The following ADAMTSL3 variants were observed in gnomAD, a reference collection of about 807,000 sequenced individuals.
The protein encoded by ADAMTSL3 is ADAMTS-like protein 3.
A neutral mutation model predicts 201.7 loss-of-function variants in ADAMTSL3; 128 were observed. The observed-to-expected ratio is 0.63, with a 90% confidence interval of 0.55 to 0.73. The LOEUF (loss-of-function observed/expected upper bound fraction) is 0.73. Ranked by LOEUF, ADAMTSL3 falls within the 30% of genes least tolerant of loss-of-function variation. ADAMTSL3 has a pLI of 0.00. For synonymous variants in ADAMTSL3, 738 were observed against 748.4 expected (o/e 0.99, Z 0.23); for missense variants, 1,990 against 2,119.6 (o/e 0.94, Z 1.20).
chr15:83,791,753 G>A (rs762061851), intron 4 of ADAMTSL3, among the ~76,000 whole-genome samples: 7 of 151,718 alleles, frequency 4.6e-5, no homozygotes, highest in Non-Finnish European at 7.4e-5. Flanking sequence ...CCAGCTACTC[G>A]GGAGGCTGAG....
intron 3 of ADAMTSL3, among the ~76,000 whole-genome samples, chr15:83,721,083 T>C (rs2062094313): frequency 6.6e-6 from 1 of 152,240 alleles, no homozygotes; most frequent in African/African-American, 2.4e-5. Context: ...AAATCTTTTT[T>C]CTGTCCAGCT....
At chr15:83,670,915 C>T (rs2061322043) in intron 2 of ADAMTSL3, among the ~76,000 whole-genome samples, 1 of 152,192 alleles carries the variant, frequency 6.6e-6, no homozygotes, top group Non-Finnish European at 1.5e-5. Flanking sequence ...TAGCGTTCTT[C>T]AGAGCTATCT....
intron 2 of ADAMTSL3, among the ~76,000 whole-genome samples, chr15:83,695,148 G>GTTA (rs2061663187): frequency 5.2e-5 from 4 of 77,544 alleles, no homozygotes; most frequent in Admixed American, 1.4e-4. Context: ...TGTGGTGTAG[G>GTTA]TATGTGTGTG....
chr15:83,744,763 G>A (rs1446906744), intron 3 of ADAMTSL3, among the ~76,000 whole-genome samples: 1 of 152,146 alleles, frequency 6.6e-6, no homozygotes, highest in Non-Finnish European at 1.5e-5. Context: ...CCACAAATGA[G>A]CATTAATTTT....
chr15:83,923,762 T>C, intron 16 of ADAMTSL3, 142 bp from the exon 17 acceptor site: 1 of 942,034 alleles, frequency 1.1e-6, no homozygotes. Flanking sequence ...TGTTCCCAGG[T>C]GTACCCTGAA....
At position 83,822,715 on chromosome 15, in the gene ADAMTSL3, G is replaced by A. The variant is rs992734672; in HGVS notation, c.600+2668G>A. 1.1e-3 allele frequency among the ~76,000 whole-genome samples: 161 copies of A among 150,920 alleles called. 1 individual carries two copies. Among genetic ancestry groups the A allele is most frequent in the African/African-American group, 3.4e-3 (140 of 41,082 alleles). On this transcript the variant is annotated intron_variant, in intron 6 of 29. Coordinates refer to ENST00000286744, the MANE Select transcript of ADAMTSL3 (RefSeq NM_207517.3). Reference sequence around the variant, plus strand: ...AGACGCTCCTCACTTTCCAGACTGGGCAGCCAGGCAGAGGGGCTCCTCACG... The same window carrying A: ...AGACGCTCCTCACTTTCCAGACTGGACAGCCAGGCAGAGGGGCTCCTCACG...
At chr15:83,656,093 G>C (rs1220054391) in intron 2 of ADAMTSL3, among the ~76,000 whole-genome samples, 1 of 152,196 alleles carries the variant, frequency 6.6e-6, no homozygotes, top group African/African-American at 2.4e-5. Flanking sequence ...CTGGGGCTGT[G>C]ATGGACCCTG....
rs1270905034 is a variant in ADAMTSL3 at position 84,031,492 on chromosome 15, A to T, written c.4754+60A>T. The T allele has an allele frequency of 2.1e-6, 3 of 1,435,442 alleles. No homozygotes were observed. In the African/African-American group the frequency reaches 4.2e-5, roughly 20 times the overall value. The allele number at this position is 1,435,442 out of a possible 1,614,324, so 88.9% of individuals were successfully genotyped here. ...TCCTGACTCACTCAGGACAATGATT[A>T]TAACTGCCTGAAAATGGAATCCTTT... is the stretch of plus-strand genomic sequence containing the variant. On this transcript the variant is annotated intron_variant, in intron 28 of 29. Coordinates refer to ENST00000286744, the MANE Select transcript of ADAMTSL3 (RefSeq NM_207517.3).
intron 19 of ADAMTSL3, chr15:83,945,978 G>T (rs778323482): frequency 6.6e-6 from 1 of 152,260 alleles, no homozygotes; most frequent in Non-Finnish European, 1.5e-5. Flanking sequence ...CTTTGATCAA[G>T]TGCTGCCCTA....
chr15:83,759,697 G>A (rs1319717389), intron 3 of ADAMTSL3, among the ~76,000 whole-genome samples: 3 of 152,134 alleles, frequency 2.0e-5, no homozygotes, highest in Admixed American at 1.3e-4. Flanking sequence ...AGCAAAGATG[G>A]GATTTAGGGT....
At chr15:84,017,338 C>G (rs546858583) in intron 25 of ADAMTSL3, among the ~76,000 whole-genome samples, 3 of 152,110 alleles carry the variant, frequency 2.0e-5, no homozygotes, top group Non-Finnish European at 4.4e-5. Flanking sequence ...AGGATGATCT[C>G]GATCTCCTGA....
intron 2 of ADAMTSL3, among the ~76,000 whole-genome samples, chr15:83,694,718 C>T (rs1268287351): frequency 1.3e-5 from 2 of 152,268 alleles, no homozygotes; most frequent in South Asian, 2.1e-4. Context: ...TGCTACTCAG[C>T]CAGAGCCTTT....
intron 23 of ADAMTSL3, among the ~76,000 whole-genome samples, chr15:84,011,359 CAAGACAAA>C: frequency 1.3e-5 from 2 of 152,140 alleles, no homozygotes; most frequent in African/African-American, 4.8e-5. Flanking sequence ...AAGTTGGAAA[CAAGACAAA>C]TATGCCTGCT....
rs115216832 is a variant in ADAMTSL3 at position 83,766,028 on chromosome 15, C to T, written c.190-7495C>T. Among the ~76,000 whole-genome samples, 498 of 152,276 alleles carry T rather than the reference C, an allele frequency of 3.3e-3. 3 individuals are homozygous for T. Among genetic ancestry groups the T allele is most frequent in the African/African-American group, 0.011 (471 of 41,550 alleles). On this transcript the variant is annotated intron_variant, in intron 3 of 29. Transcript: ENST00000286744. ...GAGGTGAGCACAAAATAAGGACTCA[C>T]ATGTAACCTATCATACGGAAGAAGG... is the stretch of plus-strand genomic sequence containing the variant.
intron 23 of ADAMTSL3, among the ~76,000 whole-genome samples, chr15:84,007,547 A>G (rs2067916612): frequency 6.6e-6 from 1 of 151,878 alleles, no homozygotes; most frequent in African/African-American, 2.4e-5. Flanking sequence ...GCCCAGTGAG[A>G]CCCCATCACT....
chr15:83,987,966 T>TA (rs2067511287), intron 21 of ADAMTSL3, among the ~76,000 whole-genome samples: 1 of 152,218 alleles, frequency 6.6e-6, no homozygotes, highest in Admixed American at 6.5e-5. Context: ...CTTCCCTTCC[T>TA]AACAAAGGTT....
intron 15 of ADAMTSL3, among the ~76,000 whole-genome samples, chr15:83,909,703 C>G (rs908034245): frequency 9.2e-5 from 14 of 152,048 alleles, no homozygotes; most frequent in African/African-American, 3.4e-4. Flanking sequence ...CAACCTCTGC[C>G]TTCTGGGTTC....
intron 28 of ADAMTSL3, among the ~76,000 whole-genome samples, chr15:84,032,759 A>G (rs1279736254): frequency 1.3e-5 from 2 of 152,190 alleles, no homozygotes; most frequent in African/African-American, 4.8e-5. Flanking sequence ...TGGACATTGG[A>G]TAGTTTCAAA....
chr15:84,020,947 C>G (rs866350537), intron 25 of ADAMTSL3, among the ~76,000 whole-genome samples: 1 of 152,316 alleles, frequency 6.6e-6, no homozygotes, highest in Middle Eastern at 3.4e-3. Flanking sequence ...CATCTTTAAC[C>G]TTACTGCTTA....
Sources: allele counts gnomAD v4.1 joint callset (sites outside exome capture counted in the v4.1 genomes callset), GRCh38; gene constraint gnomAD v4.1.1; transcripts MANE v1.5; gene names NCBI Gene and HGNC (gene_info 2026-07-23, HGNC 2026-07-21).